PRR14L: variants seen among roughly 807,000 people sequenced by gnomAD.
PRR14L encodes proline rich 14 like.
Under a neutral mutation model 155.0 loss-of-function variants are expected in PRR14L, and 80 were observed. The observed-to-expected ratio is 0.52, with a 90% CI of 0.43 to 0.62. The LOEUF (loss-of-function observed/expected upper bound fraction) is 0.62, where lower values mean the gene tolerates loss of function less well. Ranked by LOEUF, PRR14L falls within the 20% of genes least tolerant of loss-of-function variation. The probability of loss-of-function intolerance (pLI) is 0.00; values close to 1 mark genes in which losing one functional copy is unlikely to be tolerated. For synonymous variants in PRR14L, 883 were observed against 916.0 expected, an observed-to-expected ratio of 0.96 and a Z score of 0.65; for missense variants, 2,469 against 2,548.0, an observed-to-expected ratio of 0.97 and a Z score of 0.67.
At position 31,710,508 on chromosome 22, in the gene PRR14L, C is replaced by T. The variant is rs563352855; in HGVS notation, c.5756+1575G>A. ...CACTCTGTCGCCCAGGCTGGAGTGCCGTGGCGTGATCTCGGCTCACTGCAA... is the reference window on the plus strand; with the variant it reads ...CACTCTGTCGCCCAGGCTGGAGTGCTGTGGCGTGATCTCGGCTCACTGCAA... On this transcript the variant is annotated intron_variant, in intron 4 of 8. Transcript: ENST00000327423. Among the ~76,000 whole-genome samples, 5 of 150,918 alleles carry T rather than the reference C, an allele frequency of 3.3e-5. No individual in the cohort carries two copies. The South Asian group carries it at 1.1e-3, about 32-fold the overall frequency.
Position 31,685,585 on chromosome 22 carries a change from A to C in PRR14L, c.6398T>G (p.Met2133Arg), listed in dbSNP as rs184361633. The C allele has an allele frequency of 1.9e-6, 3 of 1,552,054 alleles. No individual in the cohort carries two copies. In the Admixed American group the frequency reaches 5.9e-5, roughly 30 times the overall value. ...CTTGGCAAAGAAGGTCTCCAGTTCC[A>C]TTAGTTTCTGTATCAAAAGAGCATC... is the stretch of plus-strand genomic sequence containing the variant. ...ELDALLIQKL[M>R]ELETFFAKEE... The change falls in exon 9 of 9, where the codon ATG becomes AGG. Residue 2133 changes from methionine (M) to arginine (R), a missense_variant. Transcript: ENST00000327423.
intron 3 of PRR14L, among the ~76,000 whole-genome samples, chr22:31,718,047 C>A (rs775581696): frequency 2.7e-4 from 41 of 151,394 alleles, no homozygotes; most frequent in Non-Finnish European, 5.7e-4. Flanking sequence ...CCTGCTTCAG[C>A]CTCCTGAGTA....
intron 2 of PRR14L, among the ~76,000 whole-genome samples, chr22:31,726,048 A>T (rs2074714844): frequency 6.6e-6 from 1 of 152,126 alleles, no homozygotes; most frequent in Non-Finnish European, 1.5e-5. Context: ...CACTGAAGGA[A>T]ACCTCAAATT....
chr22:31,689,986 G>A (rs982212505), intron 7 of PRR14L, among the ~76,000 whole-genome samples: 2 of 150,040 alleles, frequency 1.3e-5, no homozygotes, highest in Non-Finnish European at 3.0e-5. Context: ...GTGCAATCTC[G>A]GCTCACTGCA....
chr22:31,725,422 T>C, intron 3 of PRR14L, 116 bp downstream of exon 3: 1 of 690,070 alleles, frequency 1.4e-6, no homozygotes, highest in South Asian at 1.7e-5. Flanking sequence ...TATAGTTAAG[T>C]ACACCTTACA....
At chr22:31,739,858 T>G (rs1282556630) in intron 1 of PRR14L, among the ~76,000 whole-genome samples, 1 of 152,166 alleles carries the variant, frequency 6.6e-6, no homozygotes, top group Non-Finnish European at 1.5e-5. Flanking sequence ...ACACACATAC[T>G]CAGGGCCAGG....
chr22:31,741,153 T>C (rs2074810780), intron 1 of PRR14L, among the ~76,000 whole-genome samples: 1 of 147,908 alleles, frequency 6.8e-6, no homozygotes, highest in Admixed American at 7.0e-5. Context: ...CTCAGGAGGC[T>C]GAGGCAGGAG....
At chr22:31,709,067 C>T (rs2074606880) in intron 4 of PRR14L, among the ~76,000 whole-genome samples, 1 of 152,104 alleles carries the variant, frequency 6.6e-6, no homozygotes, top group Non-Finnish European at 1.5e-5. Flanking sequence ...AGCTGATCTG[C>T]CCGCCTTGGC....
At position 31,713,779 on chromosome 22, in the gene PRR14L, G is replaced by T; in HGVS notation, c.4060C>A (p.Gln1354Lys). 1 of 1,552,278 alleles carries T rather than the reference G, an allele frequency of 6.4e-7. No homozygotes were observed. Among genetic ancestry groups the T allele is most frequent in the Non-Finnish European group, 8.7e-7 (1 of 1,147,130 alleles). Residue 1354 changes from glutamine to lysine, a missense_variant, in exon 4 of 9, where the codon CAA becomes AAA. This residue lies in a region of PRR14L where 2,363 missense variants were observed against 2,371.6 expected (regional missense o/e 1.00). Coordinates refer to ENST00000327423, the MANE Select transcript of PRR14L (RefSeq NM_173566.3). ...TCTCTGGTAACCAACTCCTCAGATT[G>T]CTCCCCAACAGTTAAGTAACCCAGT... ...GRLGYLTVGE[Q>K]SEELVTRETG... is the part of the protein sequence containing the mutation.
intron 4 of PRR14L, among the ~76,000 whole-genome samples, chr22:31,710,839 G>C (rs1463491189): frequency 6.6e-6 from 1 of 152,018 alleles, no homozygotes; most frequent in Admixed American, 6.6e-5. Context: ...CAATGATATT[G>C]ACGAAATTAT....
At position 31,712,005 on chromosome 22, in the gene PRR14L, C is replaced by T. The variant is rs529226340; in HGVS notation, c.5756+78G>A. The T allele has an allele frequency of 1.4e-3, 1,825 of 1,333,976 alleles. 4 individuals are homozygous for T. The highest frequency in any genetic ancestry group is 1.7e-3 in the Non-Finnish European group (1,699 of 971,024). 82.6% of individuals were successfully genotyped at this position (1,333,976 alleles called of 1,614,324 possible). A position where few individuals can be genotyped will look rare whatever the true frequency, so the allele number is the denominator to read the frequency against. ...GAGGACTCTAAATAGCCTTGCATTTCCCGCAGTTCCCCTCTCATCTCCCCA... is the reference window on the plus strand; with the variant it reads ...GAGGACTCTAAATAGCCTTGCATTTTCCGCAGTTCCCCTCTCATCTCCCCA... On this transcript the variant is annotated intron_variant, in intron 4 of 8. Transcript: ENST00000327423.
At chr22:31,696,204 C>T (rs1025772569) in intron 7 of PRR14L, among the ~76,000 whole-genome samples, 1 of 151,032 alleles carries the variant, frequency 6.6e-6, no homozygotes, top group Admixed American at 6.6e-5. Flanking sequence ...AGCAGTGGTG[C>T]GATCTCGGCT....
chr22:31,730,767 C>A (rs2074744929), intron 2 of PRR14L, among the ~76,000 whole-genome samples: 1 of 152,094 alleles, frequency 6.6e-6, no homozygotes, highest in African/African-American at 2.4e-5. Flanking sequence ...GTGATGGTTG[C>A]CAAACAGTGT....
chr22:31,704,585 AT>A, intron 5 of PRR14L, 69 bp downstream of exon 5: 1 of 1,263,744 alleles, frequency 7.9e-7, no homozygotes, highest in Non-Finnish European at 1.2e-6. Flanking sequence ...CACACCACCT[AT>A]GTATGCACTC....
Position 31,684,370 on chromosome 22 carries a change from C to G in PRR14L, c.*1157G>C, listed in dbSNP as rs1288810505. ...CTGAAACATGACCCCGACTCTCTCC[C>G]CACACTTGAAGCGGGCTGCCTGGAA... On this transcript the variant is annotated 3_prime_UTR_variant, in exon 9 of 9. Coordinates refer to ENST00000327423, the MANE Select transcript of PRR14L (RefSeq NM_173566.3). 2.0e-5 allele frequency: 3 copies of G among 152,212 alleles called. No homozygotes were observed. Among genetic ancestry groups the G allele is most frequent in the Non-Finnish European group, 4.4e-5 (3 of 68,060 alleles). The allele number at this position is 152,212 out of a possible 1,614,324, so 9.4% of individuals were successfully genotyped here. A position where few individuals can be genotyped will look rare whatever the true frequency, so the allele number is the denominator to read the frequency against.
chr22:31,709,069 C>T (rs1569498189), intron 4 of PRR14L, among the ~76,000 whole-genome samples: 1 of 151,960 alleles, frequency 6.6e-6, no homozygotes, highest in African/African-American at 2.4e-5. Flanking sequence ...CTGATCTGCC[C>T]GCCTTGGCCT....
intron 4 of PRR14L, among the ~76,000 whole-genome samples, chr22:31,707,111 G>A (rs1784438589): frequency 6.6e-6 from 1 of 151,916 alleles, no homozygotes; most frequent in Non-Finnish European, 1.5e-5. Context: ...CCAGGCACAT[G>A]ATGTTAAGGT....
Position 31,713,504 on chromosome 22 carries a change from A to G in PRR14L, c.4335T>C (p.Asn1445=). ...TGGCCAGCTTTGCTAGGGTGATTTC[A>G]TTGATCATGGTGGACTCATCTTTGT... ...KADKDESTMI[N]EITLAKLAKD... The change falls in exon 4 of 9, where the codon AAT becomes AAC. Residue 1445 remains asparagine (N), a synonymous_variant. Transcript: ENST00000327423. 1 of 1,552,028 alleles carries G rather than the reference A, an allele frequency of 6.4e-7. No homozygotes were observed. Among genetic ancestry groups the G allele is most frequent in the Non-Finnish European group, 8.7e-7 (1 of 1,147,062 alleles).
intron 3 of PRR14L, among the ~76,000 whole-genome samples, chr22:31,720,885 G>A (rs143903530): frequency 5.3e-5 from 8 of 152,266 alleles, no homozygotes; most frequent in African/African-American, 1.7e-4. Context: ...AAGTCTTCAT[G>A]GAAATCACTA....
Sources: allele counts gnomAD v4.1 joint callset (sites outside exome capture counted in the v4.1 genomes callset), GRCh38; gene constraint gnomAD v4.1.1; regional missense constraint gnomAD v4.1.1; transcripts MANE v1.5; gene names NCBI Gene and HGNC (gene_info 2026-07-23, HGNC 2026-07-21).